The following ZFYVE28 variants were observed in gnomAD, a reference collection of about 807,000 sequenced individuals.
ZFYVE28 encodes lateral signaling target protein 2 homolog.
A neutral mutation model predicts 82.1 loss-of-function variants in ZFYVE28; 40 were observed. That is an observed-to-expected ratio of 0.49 (90% CI 0.38 to 0.63). The LOEUF (loss-of-function observed/expected upper bound fraction) is 0.63, where lower values mean the gene tolerates loss of function less well. Among genes scored for constraint, ZFYVE28 ranks in the 30% least tolerant of loss-of-function variants. ZFYVE28 has a pLI of 0.00. For synonymous variants in ZFYVE28, 612 were observed against 546.1 expected, an observed-to-expected ratio of 1.12 and a Z score of -1.68; for missense variants, 1,321 against 1,242.1, an observed-to-expected ratio of 1.06 and a Z score of -0.96.
chr4:2,308,668 A>G (rs1716992974), intron 7 of ZFYVE28, among the ~76,000 whole-genome samples: 2 of 90,610 alleles, frequency 2.2e-5, no homozygotes, highest in Non-Finnish European at 4.7e-5. Flanking sequence ...AAAGAAAGAA[A>G]GAAAGAAAGA....
intron 6 of ZFYVE28, chr4:2,324,892 C>A (rs964045558): frequency 1.1e-5 from 2 of 185,186 alleles, no homozygotes; most frequent in Non-Finnish European, 1.2e-5. Context: ...CTGGAGAAAT[C>A]ACCAAAATCC....
chr4:2,333,852 G>T (rs1227567111), intron 6 of ZFYVE28, among the ~76,000 whole-genome samples: 2 of 152,208 alleles, frequency 1.3e-5, no homozygotes, highest in Non-Finnish European at 2.9e-5. Flanking sequence ...GACCAAAACT[G>T]CCTGTCATTT....
At chr4:2,359,156 T>C (rs942635535) in intron 1 of ZFYVE28, among the ~76,000 whole-genome samples, 6 of 150,858 alleles carry the variant, frequency 4.0e-5, no homozygotes, top group Non-Finnish European at 8.9e-5. Flanking sequence ...TTTTTTTTTG[T>C]ATTTTTAGTA....
intron 6 of ZFYVE28, among the ~76,000 whole-genome samples, chr4:2,322,583 A>C (rs58762266): frequency 0.011 from 1,633 of 152,324 alleles, 32 homozygotes; most frequent in African/African-American, 0.037. Flanking sequence ...GGGGGTGGCC[A>C]GTCTTCCCTT....
intron 2 of ZFYVE28, among the ~76,000 whole-genome samples, chr4:2,345,205 A>G (rs1420145517): frequency 2.0e-5 from 3 of 152,166 alleles, no homozygotes; most frequent in Non-Finnish European, 4.4e-5. Context: ...ATCTCAAAAA[A>G]AAGAAAAAAA....
intron 6 of ZFYVE28, among the ~76,000 whole-genome samples, chr4:2,329,540 G>A (rs1720364376): frequency 6.6e-6 from 1 of 152,136 alleles, no homozygotes; most frequent in African/African-American, 2.4e-5. Flanking sequence ...CTATATATTA[G>A]GTTGGTGCAA....
At position 2,398,930 on chromosome 4, in the gene ZFYVE28, C is replaced by T. The variant is rs190172805; in HGVS notation, c.39+19355G>A. On this transcript the variant is annotated intron_variant, in intron 1 of 12. Coordinates refer to ENST00000290974, the MANE Select transcript of ZFYVE28 (RefSeq NM_020972.3). ...GTGGAGCTGAGATCCAGGGCACAAG[C>T]GGGGGCAAGATCGAGGGCACAAGGG... 2.7e-3 allele frequency among the ~76,000 whole-genome samples: 207 copies of T among 75,454 alleles called. 1 individual carries two copies. Among genetic ancestry groups the T allele is most frequent in the African/African-American group, 0.01 (179 of 17,142 alleles). The allele number at this position is 75,454 out of a possible 152,430, so 49.5% of individuals were successfully genotyped here.
At chr4:2,338,493 C>G (rs551374236) in intron 4 of ZFYVE28, among the ~76,000 whole-genome samples, 1 of 152,106 alleles carries the variant, frequency 6.6e-6, no homozygotes, top group Non-Finnish European at 1.5e-5. Flanking sequence ...CTTGGGAGGC[C>G]GAGGCAGGAG....
chr4:2,385,837 G>A (rs1729201633), intron 1 of ZFYVE28, among the ~76,000 whole-genome samples: 1 of 152,214 alleles, frequency 6.6e-6, no homozygotes, highest in Non-Finnish European at 1.5e-5. Flanking sequence ...GCCGCAGACA[G>A]GCGCCCTCAC....
intron 8 of ZFYVE28, chr4:2,287,541 T>C (rs1019541789): frequency 2.0e-5 from 3 of 152,282 alleles, no homozygotes; most frequent in African/African-American, 7.2e-5. Context: ...CGAGGAGGCG[T>C]TGATTTGCTG....
intron 1 of ZFYVE28, among the ~76,000 whole-genome samples, chr4:2,392,832 G>A (rs1729980352): frequency 6.6e-6 from 1 of 152,160 alleles, no homozygotes; most frequent in African/African-American, 2.4e-5. Flanking sequence ...GGCATCAGTC[G>A]AGAGGCTCAG....
intron 6 of ZFYVE28, among the ~76,000 whole-genome samples, chr4:2,326,413 C>A (rs1042641682): frequency 1.3e-5 from 2 of 152,122 alleles, no homozygotes; most frequent in African/African-American, 4.8e-5. Context: ...TTTGTTTTTG[C>A]CAACTCTAAG....
chr4:2,283,159 T>C (rs1712183513), intron 8 of ZFYVE28, among the ~76,000 whole-genome samples: 1 of 143,646 alleles, frequency 7.0e-6, no homozygotes, highest in South Asian at 2.4e-4. Flanking sequence ...TATTTACCTA[T>C]CCATCCATCC....
intron 1 of ZFYVE28, among the ~76,000 whole-genome samples, chr4:2,354,453 ATTTT>A (rs11454323): frequency 8.2e-6 from 1 of 122,542 alleles, no homozygotes. Context: ...CTCTCAGGAA[ATTTT>A]TTTTTTTTTT....
At chr4:2,273,011 C>A (rs944458173) in intron 10 of ZFYVE28, among the ~76,000 whole-genome samples, 162 bp downstream of exon 10, 1 of 152,216 alleles carries the variant, frequency 6.6e-6, no homozygotes, top group Non-Finnish European at 1.5e-5. Context: ...CAGCCTGGCA[C>A]ATTTGGAGTG....
chr4:2,412,931 G>A (rs1448349678), intron 1 of ZFYVE28, among the ~76,000 whole-genome samples: 2 of 152,108 alleles, frequency 1.3e-5, no homozygotes, highest in Non-Finnish European at 2.9e-5. Context: ...CCTGCCTGCT[G>A]AGTCCAAATA....
chr4:2,407,592 C>A (rs182499391), intron 1 of ZFYVE28, among the ~76,000 whole-genome samples: 21 of 152,238 alleles, frequency 1.4e-4, no homozygotes, highest in Admixed American at 7.2e-4. Flanking sequence ...ACATCTGGAA[C>A]CTTCTCATCC....
chr4:2,311,830 A>G (rs1029602382), intron 7 of ZFYVE28, among the ~76,000 whole-genome samples: 1 of 152,208 alleles, frequency 6.6e-6, no homozygotes, highest in Admixed American at 6.5e-5. Flanking sequence ...AGACTGGAAT[A>G]CAGTGACAGG....
Position 2,320,025 on chromosome 4 carries a change from C to A in ZFYVE28, c.803+145G>T. ...TGTGACCCCCATGGGTCGTTTGTGA[C>A]CCCTCCCTAGGGAATATTAACCAGC... On this transcript the variant is annotated intron_variant, in intron 7 of 12. Transcript: ENST00000290974. The surrounding 1 kb of genome is among the most constrained non-coding windows in gnomAD (Gnocchi z 5.1). 2 of 793,852 alleles carry A rather than the reference C, an allele frequency of 2.5e-6. No homozygotes were observed. The highest frequency in any genetic ancestry group is 1.8e-5 in the South Asian group (1 of 56,140). The allele number at this position is 793,852 out of a possible 1,614,324, so 49.2% of individuals were successfully genotyped here.
Sources: allele counts gnomAD v4.1 joint callset (sites outside exome capture counted in the v4.1 genomes callset), GRCh38; gene constraint gnomAD v4.1.1; non-coding constraint Gnocchi (gnomAD v3.1); transcripts MANE v1.5; gene names NCBI Gene and HGNC (gene_info 2026-07-23, HGNC 2026-07-21).